Variants in PLEKHM3 observed in about 807,000 individuals in gnomAD.
PLEKHM3 encodes pleckstrin homology domain-containing family M member 3.
PLEKHM3 carries 45 observed loss-of-function variants against 81.8 expected under a neutral mutation model. The observed-to-expected ratio is 0.55, with a 90% CI of 0.43 to 0.71. PLEKHM3 has a LOEUF of 0.71. Among genes scored for constraint, PLEKHM3 ranks in the 30% least tolerant of loss-of-function variants. PLEKHM3 has a pLI of 0.00. For synonymous variants in PLEKHM3, 352 were observed against 356.4 expected, an observed-to-expected ratio of 0.99 and a Z score of 0.14; for missense variants, 788 against 924.3, an observed-to-expected ratio of 0.85 and a Z score of 1.91.
chr2:207,845,957 C>G (rs571195102), intron 7 of PLEKHM3, among the ~76,000 whole-genome samples: 23 of 152,254 alleles, frequency 1.5e-4, no homozygotes, highest in African/African-American at 5.5e-4. Context: ...GACAAACTAT[C>G]AAACACAAAT....
Position 207,824,866 on chromosome 2 carries a change from G to T in PLEKHM3, c.*3453C>A, listed in dbSNP as rs967749934. ...TTCAGGAGTCTGAGGGATACCACTT[G>T]TGTTGCAAACCACAGATCCCAAGTA... On this transcript the variant is annotated 3_prime_UTR_variant, in exon 8 of 8. Transcript: ENST00000427836. 6.6e-6 allele frequency: 1 copy of T among 152,168 alleles called. No individual in the cohort carries two copies. Among genetic ancestry groups the T allele is most frequent in the African/African-American group, 2.4e-5 (1 of 41,436 alleles). The allele number at this position is 152,168 out of a possible 1,614,324, so 9.4% of individuals were successfully genotyped here. A position where few individuals can be genotyped will look rare whatever the true frequency, so the allele number is the denominator to read the frequency against.
intron 6 of PLEKHM3, among the ~76,000 whole-genome samples, chr2:207,870,910 C>G (rs1447057099): frequency 6.6e-6 from 1 of 152,158 alleles, no homozygotes; most frequent in African/African-American, 2.4e-5. Flanking sequence ...GAGTTCCAGA[C>G]CAGCCTGGCA....
intron 4 of PLEKHM3, among the ~76,000 whole-genome samples, chr2:207,943,350 G>A (rs868173854): frequency 1.3e-5 from 2 of 152,142 alleles, no homozygotes; most frequent in Admixed American, 6.5e-5. Flanking sequence ...GTTTCCATAT[G>A]AAGCCCCTTG....
chr2:207,851,740 C>CAAAAAAAAA (rs10605219), intron 7 of PLEKHM3: 3 of 64,310 alleles, frequency 4.7e-5, no homozygotes, highest in African/African-American at 1.9e-4. Flanking sequence ...AACTCCATCT[C>CAAAAAAAAA]AAAAAAAAAA....
At position 207,926,028 on chromosome 2, in the gene PLEKHM3, G is replaced by A. The variant is rs114139303; in HGVS notation, c.1886+4898C>T. Among the ~76,000 whole-genome samples, 1,118 of 152,094 alleles carry A rather than the reference G, an allele frequency of 7.4e-3. 2 individuals carry two copies. Among genetic ancestry groups the A allele is most frequent in the Admixed American group, 0.014 (215 of 15,248 alleles). On this transcript the variant is annotated intron_variant, in intron 5 of 7. Coordinates refer to ENST00000427836, the MANE Select transcript of PLEKHM3 (RefSeq NM_001080475.3). ...TACATGGCCTTGGGGTTAAAACCTC[G>A]AATGCCTAGGCCCAGGGAACCACCA...
intron 2 of PLEKHM3, among the ~76,000 whole-genome samples, chr2:207,995,574 T>C (rs1483367237): frequency 2.6e-5 from 4 of 152,138 alleles, no homozygotes; most frequent in African/African-American, 9.7e-5. Context: ...CTGTGGGAAT[T>C]TGAACAAGTT....
intron 3 of PLEKHM3, among the ~76,000 whole-genome samples, chr2:207,975,613 T>A (rs1352578672): frequency 1.8e-5 from 2 of 113,114 alleles, no homozygotes; most frequent in African/African-American, 7.1e-5. Context: ...TTTTTTGAGA[T>A]GGAGTGTCGC....
chr2:207,922,995 G>A (rs1026486793), intron 5 of PLEKHM3, among the ~76,000 whole-genome samples: 1 of 152,164 alleles, frequency 6.6e-6, no homozygotes, highest in Non-Finnish European at 1.5e-5. Flanking sequence ...GGAGGCAGCT[G>A]GTGTCAAGGA....
At chr2:208,008,955 C>T (rs1692597559) in intron 1 of PLEKHM3, among the ~76,000 whole-genome samples, 1 of 152,182 alleles carries the variant, frequency 6.6e-6, no homozygotes, top group South Asian at 2.1e-4. Context: ...GACTTCTGGT[C>T]CTATGTTCCC....
intron 7 of PLEKHM3, among the ~76,000 whole-genome samples, chr2:207,858,181 T>TATATATATATA (rs58145531): frequency 4.1e-5 from 4 of 97,042 alleles, no homozygotes; most frequent in African/African-American, 1.8e-4. Context: ...TGTGTATATA[T>TATATATATATA]TTTTTTTTTT....
intron 4 of PLEKHM3, among the ~76,000 whole-genome samples, chr2:207,934,732 A>G (rs1689691585): frequency 6.6e-6 from 1 of 152,234 alleles, no homozygotes; most frequent in Non-Finnish European, 1.5e-5. Flanking sequence ...CAATGATCAG[A>G]TCTGCTATTT....
At chr2:207,852,281 T>A (rs185395012) in intron 7 of PLEKHM3, among the ~76,000 whole-genome samples, 2 of 152,196 alleles carry the variant, frequency 1.3e-5, no homozygotes, top group Non-Finnish European at 2.9e-5. Flanking sequence ...GTTAATTGCC[T>A]TCTCTGAACC....
At position 207,976,867 on chromosome 2, in the gene PLEKHM3, C is replaced by T. The variant is rs201268173; in HGVS notation, c.1330G>A (p.Ala444Thr). 105 of 1,614,110 alleles carry T rather than the reference C, an allele frequency of 6.5e-5. No individual in the cohort carries two copies. The Middle Eastern group carries it at 1.2e-3, about 18-fold the overall frequency. ...LRLRAETRQRAQEWMEALKIA... is the reference protein window; with the variant it reads ...LRLRAETRQRTQEWMEALKIA... ...TTCAGAGCCTCCATCCATTCCTGAG[C>T]CCTCTGTCGGGTCTCAGCTCGGAGG... is the stretch of plus-strand genomic sequence containing the variant. The change falls in exon 3 of 8, where the codon GCT becomes ACT. Residue 444 changes from alanine to threonine, a missense_variant. Ala to Thr is a moderately conservative substitution (Grantham distance 58). Transcript: ENST00000427836. The surrounding 1 kb of genome is among the most constrained non-coding windows in gnomAD (Gnocchi z 4.1).
intron 6 of PLEKHM3, among the ~76,000 whole-genome samples, chr2:207,891,692 C>T (rs994507343): frequency 2.0e-5 from 3 of 152,206 alleles, no homozygotes; most frequent in African/African-American, 7.2e-5. Context: ...TATGCAATAA[C>T]ATAGTTTGAA....
intron 5 of PLEKHM3, among the ~76,000 whole-genome samples, chr2:207,909,108 A>G (rs75738317): frequency 0.019 from 2,927 of 152,330 alleles, 98 homozygotes; most frequent in African/African-American, 0.067. Flanking sequence ...ACTGAATATC[A>G]TATTAATGAA....
At chr2:208,003,590 T>C (rs570872538) in intron 1 of PLEKHM3, among the ~76,000 whole-genome samples, 47 of 152,332 alleles carry the variant, frequency 3.1e-4, no homozygotes, top group South Asian at 2.3e-3. Context: ...ATTTGTCTAC[T>C]TTTATATATT....
At chr2:208,017,107 CTG>C (rs1692948233) in intron 1 of PLEKHM3, among the ~76,000 whole-genome samples, 2 of 152,146 alleles carry the variant, frequency 1.3e-5, no homozygotes, top group South Asian at 4.1e-4. Context: ...TTTTGGAACT[CTG>C]TGGAATTTTT....
intron 7 of PLEKHM3, among the ~76,000 whole-genome samples, chr2:207,830,069 G>A (rs1043083970): frequency 6.6e-6 from 1 of 152,110 alleles, no homozygotes; most frequent in Non-Finnish European, 1.5e-5. Flanking sequence ...ATGTGGGTGT[G>A]TGCGTGCACA....
intron 1 of PLEKHM3, among the ~76,000 whole-genome samples, chr2:208,008,553 G>T (rs1459347156): frequency 6.7e-6 from 1 of 148,182 alleles, no homozygotes; most frequent in Non-Finnish European, 1.5e-5. Context: ...CCCAGGGAGT[G>T]CTGTGCCTAC....
Sources: gnomAD v4.1 joint callset for allele counts (sites outside exome capture counted in the v4.1 genomes callset) on GRCh38, gnomAD v4.1.1 for gene constraint, Gnocchi (gnomAD v3.1) non-coding constraint, MANE v1.5 for transcripts, NCBI Gene and HGNC (gene_info 2026-07-23, HGNC 2026-07-21) for gene names.